CDH11: variants seen among roughly 807,000 people sequenced by gnomAD.
CDH11 encodes the protein cadherin-11.
Under a neutral mutation model 67.8 loss-of-function variants are expected in CDH11, and 11 were observed. The ratio of observed to expected loss-of-function variants is 0.16; its 90% CI spans 0.10 to 0.27. The LOEUF is 0.27. CDH11 is among the 10% of genes least tolerant of loss of function. The pLI is 1.00. For synonymous variants in CDH11, 419 were observed against 400.0 expected (o/e 1.05, Z -0.57); for missense variants, 847 against 1,031.2 (o/e 0.82, Z 2.45).
Position 65,117,610 on chromosome 16 carries a change from A to T in CDH11, c.-298+4270T>A, listed in dbSNP as rs2075263615. The stretch of plus-strand genomic sequence containing the variant: ...AAGAATGGTTTAAAAGAAACAGTAA[A>T]ACATTTACTGCTATATTAAAATTCC... On this transcript the variant is annotated intron_variant, in intron 1 of 12. Transcript: ENST00000268603. 3.3e-5 allele frequency among the ~76,000 whole-genome samples: 5 copies of T among 152,354 alleles called. No homozygotes were observed. In the South Asian group the frequency reaches 1.0e-3, roughly 32 times the overall value.
intron 2 of CDH11, among the ~76,000 whole-genome samples, chr16:65,048,516 G>C (rs1162190536): frequency 6.6e-6 from 1 of 151,386 alleles, no homozygotes; most frequent in Non-Finnish European, 1.5e-5. Flanking sequence ...AAAATGACAG[G>C]ATAAAGAAAA....
chr16:64,998,740 C>A lies in CDH11; in HGVS notation c.345G>T (p.Thr115=), dbSNP rs148226946. ...DKSGNIHATK[T]LDREERAQYT... is the part of the protein sequence containing the mutation. The stretch of plus-strand genomic sequence containing the variant: ...ACTGGGCTCTCTCTTCTCGATCCAA[C>A]GTCTTGGTGGCATGAATGTTCCCTG... The change falls in exon 4 of 13, where the codon ACG becomes ACT. Residue 115 remains threonine (T), a synonymous_variant. Coordinates refer to ENST00000268603, the MANE Select transcript of CDH11 (RefSeq NM_001797.4). The A allele has an allele frequency of 2.5e-6, 4 of 1,614,046 alleles. No individual in the cohort carries two copies. Among genetic ancestry groups the A allele is most frequent in the Admixed American group, 3.3e-5 (2 of 60,006 alleles).
chr16:65,083,672 G>C (rs2074648935), intron 1 of CDH11, among the ~76,000 whole-genome samples: 1 of 152,218 alleles, frequency 6.6e-6, no homozygotes, highest in Non-Finnish European at 1.5e-5. Flanking sequence ...GAGAGAATTG[G>C]AATGTCAGCA....
intron 2 of CDH11, among the ~76,000 whole-genome samples, chr16:65,048,904 A>T (rs1348316257): frequency 1.3e-5 from 2 of 152,142 alleles, no homozygotes; most frequent in Admixed American, 6.6e-5. Context: ...CTTTTGCAAC[A>T]ACATAGATGA....
At chr16:65,089,096 G>A (rs901062556) in intron 1 of CDH11, among the ~76,000 whole-genome samples, 1 of 152,012 alleles carries the variant, frequency 6.6e-6, no homozygotes, top group African/African-American at 2.4e-5. Context: ...TCAGCTTCTT[G>A]TTTAGTTGGG....
At chr16:65,087,667 T>C (rs1233585585) in intron 1 of CDH11, among the ~76,000 whole-genome samples, 2 of 152,190 alleles carry the variant, frequency 1.3e-5, no homozygotes, top group Non-Finnish European at 2.9e-5. Context: ...TGATCGAGAA[T>C]TGCTATGACT....
rs2072016636 is a variant in CDH11, at chr16:64,971,979, A to G, written c.1476T>C (p.Tyr492=). 1 of 1,614,010 alleles carries G rather than the reference A, an allele frequency of 6.2e-7. No individual in the cohort carries two copies. The highest frequency in any genetic ancestry group is 8.5e-7 in the Non-Finnish European group (1 of 1,179,898). The part of the protein sequence containing the change: ...NDNAPKFAAP[Y]EGFICESDQT... ...GATCACTCTCACAGATGAAACCTTC[A>G]TAAGGGGCAGCAAACTTGGGAGCAT... Residue 492 remains tyrosine (Y), a synonymous_variant, in exon 10 of 13, where the codon TAT becomes TAC. Coordinates refer to ENST00000268603, the MANE Select transcript of CDH11 (RefSeq NM_001797.4).
At chr16:65,036,819 T>A (rs2073764467) in intron 2 of CDH11, among the ~76,000 whole-genome samples, 1 of 152,190 alleles carries the variant, frequency 6.6e-6, no homozygotes, top group South Asian at 2.1e-4. Flanking sequence ...AGAAATCATT[T>A]GGATACTTGG....
Position 64,947,447 on chromosome 16 carries a change from G to A in CDH11, c.*156C>T. The stretch of plus-strand genomic sequence containing the variant: ...GGTATTTCACAGTATTTACCACTTT[G>A]ATGTCCTCGCAGTTTTATTAAATGT... On this transcript the variant is annotated 3_prime_UTR_variant, in exon 13 of 13. Coordinates refer to ENST00000268603, the MANE Select transcript of CDH11 (RefSeq NM_001797.4). 1 of 1,440,916 alleles carries A rather than the reference G, an allele frequency of 6.9e-7. No homozygotes were observed. The highest frequency in any genetic ancestry group is 1.4e-5 in the African/African-American group (1 of 70,068). The allele number at this position is 1,440,916 out of a possible 1,614,324, so 89.3% of individuals were successfully genotyped here.
chr16:65,011,399 T>C (rs569571259), intron 2 of CDH11, among the ~76,000 whole-genome samples: 4 of 152,258 alleles, frequency 2.6e-5, no homozygotes, highest in African/African-American at 9.6e-5. Context: ...AAATAATCTT[T>C]GTTAGATGTG....
chr16:64,947,455 C>T lies in CDH11; in HGVS notation c.*148G>A, dbSNP rs1048014156. 3.1e-5 allele frequency: 45 copies of T among 1,457,122 alleles called. No homozygotes were observed. In the Middle Eastern group the frequency reaches 7.7e-4, roughly 25 times the overall value. The allele number at this position is 1,457,122 out of a possible 1,614,324, so 90.3% of individuals were successfully genotyped here. A position where few individuals can be genotyped will look rare whatever the true frequency, so the allele number is the denominator to read the frequency against. On this transcript the variant is annotated 3_prime_UTR_variant, in exon 13 of 13. Transcript: ENST00000268603. ...ACAGTATTTACCACTTTGATGTCCTCGCAGTTTTATTAAATGTATCCTCTC... is the reference window on the plus strand; with the variant it reads ...ACAGTATTTACCACTTTGATGTCCTTGCAGTTTTATTAAATGTATCCTCTC...
At chr16:64,965,571 C>G (rs534439932) in intron 11 of CDH11, among the ~76,000 whole-genome samples, 1 of 152,150 alleles carries the variant, frequency 6.6e-6, no homozygotes, top group South Asian at 2.1e-4. Context: ...TGGAATACCT[C>G]CCAAAGGACC....
intron 1 of CDH11, among the ~76,000 whole-genome samples, chr16:65,096,452 T>C (rs917928228): frequency 6.0e-5 from 9 of 148,986 alleles, no homozygotes; most frequent in African/African-American, 2.0e-4. Flanking sequence ...TGTATATATA[T>C]GTTTATATAT....
intron 1 of CDH11, among the ~76,000 whole-genome samples, chr16:65,085,738 C>A (rs1354448333): frequency 6.6e-6 from 1 of 152,160 alleles, no homozygotes; most frequent in Non-Finnish European, 1.5e-5. Context: ...GAGGAAACTG[C>A]AATTCATATG....
At chr16:65,090,497 T>C (rs17509881) in intron 1 of CDH11, among the ~76,000 whole-genome samples, 2 of 152,100 alleles carry the variant, frequency 1.3e-5, no homozygotes, top group Admixed American at 6.5e-5. Context: ...AATGTCCCTA[T>C]AAATCAGCCA....
chr16:64,985,231 A>T (rs1467353226), intron 7 of CDH11: 3 of 152,222 alleles, frequency 2.0e-5, no homozygotes, highest in Non-Finnish European at 2.9e-5. Context: ...ACTAAGACAC[A>T]GTCAGAACTC....
chr16:64,972,161 C>G, intron 9 of CDH11, 97 bp from the exon 10 acceptor site: 2 of 1,047,596 alleles, frequency 1.9e-6, no homozygotes. Context: ...AGCCACCTAT[C>G]TGGGCAGTGC....
At chr16:65,057,007 C>A (rs532862281) in intron 1 of CDH11, among the ~76,000 whole-genome samples, 1 of 152,052 alleles carries the variant, frequency 6.6e-6, no homozygotes, top group Admixed American at 6.5e-5. Flanking sequence ...ACTGTGGATT[C>A]TGTGAAAAAA....
At chr16:65,035,759 T>C (rs569847037) in intron 2 of CDH11, among the ~76,000 whole-genome samples, 1 of 152,324 alleles carries the variant, frequency 6.6e-6, no homozygotes, top group South Asian at 2.1e-4. Context: ...ATTATTATCC[T>C]TGTTTTATTG....
Sources: allele counts gnomAD v4.1 joint callset (sites outside exome capture counted in the v4.1 genomes callset), GRCh38; gene constraint gnomAD v4.1.1; transcripts MANE v1.5; gene names NCBI Gene and HGNC (gene_info 2026-07-23, HGNC 2026-07-21).